ARHGAP22: variants seen among roughly 807,000 people sequenced by gnomAD.
The protein encoded by ARHGAP22 is rho GTPase-activating protein 22.
In ARHGAP22, 48 loss-of-function variants were observed where a neutral mutation model predicts 59.1. The observed-to-expected ratio is 0.81, with a 90% CI of 0.64 to 1.03. The LOEUF is 1.03. Ranked by LOEUF, ARHGAP22 falls within the 50% of genes least tolerant of loss-of-function variation. The pLI is 0.00. For synonymous variants in ARHGAP22, 445 were observed against 416.4 expected (o/e 1.07, Z -0.84); for missense variants, 1,015 against 958.7 (o/e 1.06, Z -0.78).
At chr10:48,626,872 G>A (rs2061468257) in intron 1 of ARHGAP22, among the ~76,000 whole-genome samples, 2 of 152,210 alleles carry the variant, frequency 1.3e-5, no homozygotes, top group East Asian at 3.8e-4. Flanking sequence ...AGTGGGAACT[G>A]GCTGGGCATG....
chr10:48,593,797 T>C (rs1036342488), intron 1 of ARHGAP22, among the ~76,000 whole-genome samples: 2 of 152,198 alleles, frequency 1.3e-5, no homozygotes, highest in East Asian at 1.9e-4. Context: ...AACCACTTTA[T>C]ATAAAAAGGA....
chr10:48,521,617 A>T, intron 3 of ARHGAP22, among the ~76,000 whole-genome samples: 1 of 152,194 alleles, frequency 6.6e-6, no homozygotes, highest in East Asian at 1.9e-4. Context: ...AGCTTTTCTT[A>T]AAAAAATGCA....
intron 3 of ARHGAP22, among the ~76,000 whole-genome samples, chr10:48,548,537 A>G (rs1157364932): frequency 2.0e-5 from 3 of 152,176 alleles, no homozygotes; most frequent in Non-Finnish European, 4.4e-5. Flanking sequence ...TCATCTCACC[A>G]AACATGGCCG....
At chr10:48,529,087 TC>T in intron 3 of ARHGAP22, among the ~76,000 whole-genome samples, 1 of 150,928 alleles carries the variant, frequency 6.6e-6, no homozygotes, top group South Asian at 2.1e-4. Flanking sequence ...TTTACTTGGG[TC>T]AGGGGAGTCA....
At chr10:48,617,239 C>G (rs2061115666) in intron 1 of ARHGAP22, among the ~76,000 whole-genome samples, 1 of 151,896 alleles carries the variant, frequency 6.6e-6, no homozygotes, top group South Asian at 2.1e-4. Flanking sequence ...AGATAGACCC[C>G]AAATACAATG....
intron 1 of ARHGAP22, among the ~76,000 whole-genome samples, chr10:48,594,073 A>G (rs1031500244): frequency 6.6e-6 from 1 of 152,258 alleles, no homozygotes. Context: ...TAGCAATTAA[A>G]GGATCATTAT....
At chr10:48,491,765 G>A (rs1443322470) in intron 3 of ARHGAP22, among the ~76,000 whole-genome samples, 1 of 152,252 alleles carries the variant, frequency 6.6e-6, no homozygotes, top group East Asian at 1.9e-4. Context: ...CTTGAGGGAA[G>A]CAGTATCACT....
intron 3 of ARHGAP22, among the ~76,000 whole-genome samples, chr10:48,527,493 T>TTGGA (rs78196127): frequency 0.56 from 85,112 of 151,098 alleles, 25,900 homozygotes; most frequent in Non-Finnish European, 0.68. Flanking sequence ...GGATGGTTGG[T>TTGGA]TGGATGGAGG....
At chr10:48,607,338 A>T (rs1210480104), upstream of ARHGAP22, among the ~76,000 whole-genome samples, 1 of 152,150 alleles carries the variant, frequency 6.6e-6, no homozygotes, top group Non-Finnish European at 1.5e-5. Flanking sequence ...AGGCTGGGAA[A>T]AGGGCAGGAG....
At chr10:48,476,079 C>G (rs1483174010) in intron 4 of ARHGAP22, among the ~76,000 whole-genome samples, 1 of 152,236 alleles carries the variant, frequency 6.6e-6, no homozygotes, top group Admixed American at 6.5e-5. Context: ...ATCTAACCTG[C>G]CATGTGCCTG....
chr10:48,649,178 C>T (rs2062445318), intron 1 of ARHGAP22, among the ~76,000 whole-genome samples: 1 of 152,228 alleles, frequency 6.6e-6, no homozygotes, highest in Non-Finnish European at 1.5e-5. Context: ...TACCATTCCT[C>T]CCTTATTACC....
intron 4 of ARHGAP22, among the ~76,000 whole-genome samples, chr10:48,466,116 C>T (rs946095999): frequency 1.1e-4 from 17 of 152,226 alleles, no homozygotes; most frequent in Admixed American, 5.9e-4. Flanking sequence ...GGGCAGTCCA[C>T]CCCAGGGCAG....
intron 1 of ARHGAP22, among the ~76,000 whole-genome samples, chr10:48,616,356 T>C (rs1341732380): frequency 6.6e-6 from 1 of 152,166 alleles, no homozygotes; most frequent in Non-Finnish European, 1.5e-5. Context: ...GAACCTGCAA[T>C]GTCTCCTAGA....
intron 1 of ARHGAP22, among the ~76,000 whole-genome samples, chr10:48,628,402 CA>C (rs2061520231): frequency 6.6e-6 from 1 of 152,202 alleles, no homozygotes. Context: ...GGCTCAGAGC[CA>C]GTGTGTGCAA....
At chr10:48,598,341 CTAAGGGCTGGGTGGAGGGTGGTGGCT>C (rs1211378070) in intron 1 of ARHGAP22, among the ~76,000 whole-genome samples, 2 of 152,090 alleles carry the variant, frequency 1.3e-5, no homozygotes, top group African/African-American at 4.8e-5. Context: ...GACTGGTGGC[CTAAGGGCTGGGTGGAGGGTGGTGGCT>C]GGGAGTGTTT....
intron 2 of ARHGAP22, among the ~76,000 whole-genome samples, chr10:48,579,420 T>G (rs1046808378): frequency 6.6e-6 from 1 of 152,264 alleles, no homozygotes; most frequent in Non-Finnish European, 1.5e-5. Context: ...CTGTGGGATC[T>G]GTCTGCTGGA....
chr10:48,471,021 A>G (rs1475129390), intron 4 of ARHGAP22, among the ~76,000 whole-genome samples: 1 of 152,278 alleles, frequency 6.6e-6, no homozygotes, highest in Non-Finnish European at 1.5e-5. Flanking sequence ...ACAAGGTTGC[A>G]TTTCATCCCA....
rs553116595 is a variant in ARHGAP22, at chr10:48,586,977, T to C, written c.35-3825A>G. Among the ~76,000 whole-genome samples the C allele has an allele frequency of 4.6e-5, 7 of 151,876 alleles. No individual in the cohort carries two copies. In the South Asian group the frequency reaches 1.5e-3, roughly 31 times the overall value. On this transcript the variant is annotated intron_variant, in intron 1 of 9. Transcript: ENST00000249601. ...CTACAGCCTGGAATTTCCAGACACCTGTATTTCCAGACACCTGTAGCACCC... is the reference window on the plus strand; with the variant it reads ...CTACAGCCTGGAATTTCCAGACACCCGTATTTCCAGACACCTGTAGCACCC...
At chr10:48,554,169 G>A (rs1041747781) in intron 3 of ARHGAP22, among the ~76,000 whole-genome samples, 5 of 152,186 alleles carry the variant, frequency 3.3e-5, no homozygotes, top group Admixed American at 2.0e-4. Flanking sequence ...GCACAGGCGC[G>A]TATAGTTGGA....
Sources: gnomAD v4.1 joint callset for allele counts (sites outside exome capture counted in the v4.1 genomes callset) on GRCh38, gnomAD v4.1.1 for gene constraint, MANE v1.5 for transcripts, NCBI Gene and HGNC (gene_info 2026-07-23, HGNC 2026-07-21) for gene names.